ANKRD55: variants seen among roughly 807,000 people sequenced by gnomAD.
ANKRD55 encodes ankyrin repeat domain 55, also known as ankyrin repeat domain-containing protein 55.
ANKRD55 carries 41 observed loss-of-function variants against 60.6 expected under a neutral mutation model. The ratio of observed to expected loss-of-function variants is 0.68; its 90% CI spans 0.53 to 0.88. The LOEUF is 0.88. Among genes scored for constraint, ANKRD55 ranks in the 40% least tolerant of loss-of-function variants. The pLI, the probability that ANKRD55 is intolerant of heterozygous loss-of-function variation, is 0.00. For missense variants in ANKRD55, 732 were observed against 767.6 expected, an observed-to-expected ratio of 0.95 and a Z score of 0.55; for synonymous variants, 264 against 290.3, an observed-to-expected ratio of 0.91 and a Z score of 0.92.
chr5:56,127,796 T>C (rs1258313004), intron 7 of ANKRD55, among the ~76,000 whole-genome samples: 1 of 152,250 alleles, frequency 6.6e-6, no homozygotes, highest in African/African-American at 2.4e-5. Flanking sequence ...GTGGCTGCAC[T>C]GGTTACATAT....
intron 6 of ANKRD55, among the ~76,000 whole-genome samples, chr5:56,153,168 T>C (rs1008933275): frequency 6.6e-6 from 1 of 152,130 alleles, no homozygotes; most frequent in Non-Finnish European, 1.5e-5. Context: ...AAGACCATTA[T>C]GTCTATGAAA....
intron 2 of ANKRD55, among the ~76,000 whole-genome samples, chr5:56,207,714 T>C (rs558796505): frequency 2.0e-5 from 3 of 152,292 alleles, no homozygotes; most frequent in Non-Finnish European, 4.4e-5. Flanking sequence ...GTAGGGCACA[T>C]AGCATAAATA....
intron 7 of ANKRD55, among the ~76,000 whole-genome samples, chr5:56,135,226 C>A (rs1298855548): frequency 2.6e-5 from 1 of 37,886 alleles, no homozygotes; most frequent in Non-Finnish European, 7.0e-5. Context: ...TTCCTTCCTT[C>A]CTTCCTTCCT....
chr5:56,144,915 A>C (rs1251935173), intron 6 of ANKRD55, among the ~76,000 whole-genome samples: 1 of 152,162 alleles, frequency 6.6e-6, no homozygotes, highest in Non-Finnish European at 1.5e-5. Context: ...ATCTAGAATG[A>C]ATTGAAATGA....
intron 5 of ANKRD55, among the ~76,000 whole-genome samples, chr5:56,169,640 T>C (rs188062365): frequency 1.3e-5 from 2 of 152,310 alleles, no homozygotes; most frequent in Non-Finnish European, 2.9e-5. Context: ...GACCTTTTAT[T>C]TTACTGTAAA....
intron 2 of ANKRD55, among the ~76,000 whole-genome samples, chr5:56,184,030 A>G (rs1469576637): frequency 6.6e-6 from 1 of 152,202 alleles, no homozygotes; most frequent in East Asian, 1.9e-4. Context: ...TACCTTTCAA[A>G]GAGACATTGT....
intron 1 of ANKRD55, 97 bp from the exon 2 acceptor site, chr5:56,233,043 A>G: frequency 1.3e-6 from 1 of 794,218 alleles, no homozygotes; most frequent in South Asian, 1.6e-5. Flanking sequence ...TTAAATGTGC[A>G]TCAGAGCTGC....
At chr5:56,174,510 T>C (rs972992815) in intron 4 of ANKRD55, among the ~76,000 whole-genome samples, 3 of 152,174 alleles carry the variant, frequency 2.0e-5, no homozygotes, top group African/African-American at 7.2e-5. Context: ...CAGCCATATG[T>C]CTGTCTGAGA....
intron 10 of ANKRD55, chr5:56,108,397 A>G (rs1026573042): frequency 1.3e-5 from 2 of 152,220 alleles, no homozygotes; most frequent in African/African-American, 4.8e-5. Flanking sequence ...GAGGCCCTGA[A>G]GTGTCAAAAG....
At chr5:56,160,494 C>T (rs1003138669) in intron 5 of ANKRD55, among the ~76,000 whole-genome samples, 6 of 152,204 alleles carry the variant, frequency 3.9e-5, no homozygotes, top group Non-Finnish European at 7.3e-5. Flanking sequence ...CCGCCTAAGC[C>T]TCCCAAAGTG....
intron 8 of ANKRD55, among the ~76,000 whole-genome samples, chr5:56,120,070 C>T (rs954310856): frequency 6.7e-6 from 1 of 149,472 alleles, no homozygotes; most frequent in Non-Finnish European, 1.5e-5. Flanking sequence ...CATAGTCTTG[C>T]TCTGTTGCCA....
At chr5:56,214,382 C>T (rs750308381) in intron 2 of ANKRD55, among the ~76,000 whole-genome samples, 4 of 152,170 alleles carry the variant, frequency 2.6e-5, no homozygotes, top group African/African-American at 2.4e-5. Flanking sequence ...TCTGTGGGCC[C>T]GGCGTGGTGC....
chr5:56,219,239 C>T (rs1403569983), intron 2 of ANKRD55, among the ~76,000 whole-genome samples: 1 of 144,136 alleles, frequency 6.9e-6, no homozygotes, highest in Non-Finnish European at 1.5e-5. Flanking sequence ...TGCCACTGCA[C>T]TCCAGCCTGG....
At chr5:56,162,123 G>T in intron 5 of ANKRD55, 2 of 764,688 alleles carry the variant, frequency 2.6e-6, no homozygotes, top group African/African-American at 1.9e-5. Flanking sequence ...CTGTGGTCCA[G>T]TGTGGTTATC....
At chr5:56,195,347 G>C (rs1406042269) in intron 2 of ANKRD55, among the ~76,000 whole-genome samples, 1 of 152,114 alleles carries the variant, frequency 6.6e-6, no homozygotes, top group African/African-American at 2.4e-5. Flanking sequence ...CTTTCTATGA[G>C]ATTATCTTTA....
intron 10 of ANKRD55, among the ~76,000 whole-genome samples, chr5:56,104,134 A>G (rs1756376786): frequency 1.3e-5 from 2 of 152,238 alleles, no homozygotes; most frequent in Admixed American, 1.3e-4. Context: ...TTGTAAAACC[A>G]ACGAGATAAT....
At chr5:56,166,161 C>CTTT (rs1208005252) in intron 5 of ANKRD55, among the ~76,000 whole-genome samples, 900 of 23,308 alleles carry the variant, frequency 0.039, 29 homozygotes, top group Middle Eastern at 0.087. Flanking sequence ...TTTCTTCTTT[C>CTTT]CTTCCTTCCT....
intron 2 of ANKRD55, among the ~76,000 whole-genome samples, chr5:56,221,727 C>A (rs899073580): frequency 6.6e-6 from 1 of 152,246 alleles, no homozygotes; most frequent in Non-Finnish European, 1.5e-5. Context: ...GGGTCCCATG[C>A]CCACGGAGCC....
intron 5 of ANKRD55, among the ~76,000 whole-genome samples, chr5:56,167,388 T>C (rs1312750888): frequency 6.6e-6 from 1 of 152,234 alleles, no homozygotes; most frequent in Non-Finnish European, 1.5e-5. Context: ...AAAAATATGA[T>C]ATAATCATCT....
Sources: allele counts gnomAD v4.1 joint callset (sites outside exome capture counted in the v4.1 genomes callset), GRCh38; gene constraint gnomAD v4.1.1; transcripts MANE v1.5; gene names NCBI Gene and HGNC (gene_info 2026-07-23, HGNC 2026-07-21).